EBF3: variants seen among roughly 807,000 people sequenced by gnomAD.
EBF3 encodes the protein transcription factor COE3.
EBF3 carries 18 observed loss-of-function variants against 77.1 expected under a neutral mutation model. The ratio of observed to expected loss-of-function variants is 0.23; its 90% confidence interval spans 0.16 to 0.35. EBF3 has a LOEUF of 0.35. Ranked by LOEUF, EBF3 falls within the 10% of genes least tolerant of loss-of-function variation. The pLI, the probability that EBF3 is intolerant of heterozygous loss-of-function variation, is 1.00. For missense variants in EBF3, 558 were observed against 860.0 expected (o/e 0.65, Z 4.39); for synonymous variants, 350 against 343.5 (o/e 1.02, Z -0.21).
chr10:129,955,895 C>G lies in EBF3; in HGVS notation c.554+1363G>C, dbSNP rs909107909. 1.8e-4 allele frequency among the ~76,000 whole-genome samples: 27 copies of G among 152,182 alleles called. 1 individual carries two copies. Among genetic ancestry groups the G allele is most frequent in the Non-Finnish European group, 1.3e-4 (9 of 68,032 alleles). ...ACTCCAATAGTTCAAACACTTCTAGCCAATCAAGAAAATAAAATAAATTCA... is the reference window on the plus strand; with the variant it reads ...ACTCCAATAGTTCAAACACTTCTAGGCAATCAAGAAAATAAAATAAATTCA... On this transcript the variant is annotated intron_variant, in intron 6 of 16. Transcript: ENST00000440978.
chr10:129,873,495 G>T lies in EBF3; in HGVS notation c.738C>A (p.Arg246=). The T allele has an allele frequency of 6.3e-7, 1 of 1,593,998 alleles. No individual in the cohort carries two copies. The highest frequency in any genetic ancestry group is 8.6e-7 in the Non-Finnish European group (1 of 1,167,822). Residue 246 remains arginine, a synonymous_variant, in exon 8 of 17, where the codon CGC becomes CGA. Transcript: ENST00000440978. Reference sequence around the variant, plus strand: ...GGGCCGTACCTTCTGACGGGTCTAGGCGGCGGGCCCGCCTCCCGTGTTTGG... The same window carrying T: ...GGGCCGTACCTTCTGACGGGTCTAGTCGGCGGGCCCGCCTCCCGTGTTTGG... ...NNSKHGRRAR[R]LDPSEGTAPS...
rs1418845269 is a variant in EBF3 at position 129,837,234 on chromosome 10, A to G, written c.*709T>C. The G allele has an allele frequency of 6.5e-6, 1 of 152,740 alleles. No individual in the cohort carries two copies. The highest frequency in any genetic ancestry group is 1.9e-4 in the East Asian group (1 of 5,206). 9.5% of individuals were successfully genotyped at this position (152,740 alleles called of 1,614,324 possible). On this transcript the variant is annotated 3_prime_UTR_variant, in exon 17 of 17. Coordinates refer to ENST00000440978, the MANE Select transcript of EBF3 (RefSeq NM_001375380.1). Reference sequence around the variant, plus strand: ...GCAGTGGGAGAATATTGGAACCAACAGACAGTAGCATTTTTTCTCTGTCAG... The same window carrying G: ...GCAGTGGGAGAATATTGGAACCAACGGACAGTAGCATTTTTTCTCTGTCAG...
rs1051347263 is a variant in EBF3 at position 129,861,497 on chromosome 10, T to C, written c.1039+5644A>G. 2.7e-5 allele frequency among the ~76,000 whole-genome samples: 4 copies of C among 150,058 alleles called. No individual in the cohort carries two copies. The highest frequency in any genetic ancestry group is 4.9e-5 in the African/African-American group (2 of 40,942). On this transcript the variant is annotated intron_variant, in intron 10 of 16. Transcript: ENST00000440978. The surrounding 1 kb of genome is among the most constrained non-coding windows in gnomAD (Gnocchi z 4.3). The stretch of plus-strand genomic sequence containing the variant: ...CACACAGACCCAAGCTATTCTCTGA[T>C]AGAACCAACCTGATAGAAAAGCAAA...
intron 6 of EBF3, among the ~76,000 whole-genome samples, chr10:129,942,144 T>C (rs1387179877): frequency 6.6e-6 from 1 of 152,208 alleles, no homozygotes; most frequent in African/African-American, 2.4e-5. Flanking sequence ...TGCAGGTTCT[T>C]AGCACTAACT....
intron 6 of EBF3, among the ~76,000 whole-genome samples, chr10:129,886,033 A>ATTTTT (rs59542647): frequency 1.6e-5 from 2 of 126,298 alleles, no homozygotes; most frequent in Non-Finnish European, 3.3e-5. Flanking sequence ...TTTGGTTTTA[A>ATTTTT]TTTTTTTTTT....
Position 129,885,136 on chromosome 10 carries a change from C to A in EBF3, c.555-7287G>T, listed in dbSNP as rs1853481894. Among the ~76,000 whole-genome samples, 1 of 152,186 alleles carries A rather than the reference C, an allele frequency of 6.6e-6. No individual in the cohort carries two copies. The highest frequency in any genetic ancestry group is 6.5e-5 in the Admixed American group (1 of 15,282). The stretch of plus-strand genomic sequence containing the variant: ...CTTTTCATCACAATTTCAGCAGCGG[C>A]TGTCAAGAGGCACTTATAGATACCA... On this transcript the variant is annotated intron_variant, in intron 6 of 16. Transcript: ENST00000440978. The surrounding 1 kb of genome is among the most constrained non-coding windows in gnomAD (Gnocchi z 4.0).
chr10:129,953,030 C>CT (rs1284858733), intron 6 of EBF3, among the ~76,000 whole-genome samples: 2 of 100,114 alleles, frequency 2.0e-5, no homozygotes, highest in African/African-American at 7.7e-5. Flanking sequence ...ACACTGTTGA[C>CT]TAAAAAAAAA....
intron 4 of EBF3, 116 bp downstream of exon 4, chr10:129,962,055 G>C: frequency 2.1e-6 from 2 of 939,892 alleles, no homozygotes; most frequent in Non-Finnish European, 3.3e-6. Flanking sequence ...AGCATGTCAA[G>C]GAAACTCAAT....
chr10:129,899,082 G>A (rs1308384343), intron 6 of EBF3, among the ~76,000 whole-genome samples: 2 of 144,924 alleles, frequency 1.4e-5, no homozygotes, highest in Non-Finnish European at 3.1e-5. Context: ...TCCTGCCTCC[G>A]CGCAGCCTTG....
intron 8 of EBF3, among the ~76,000 whole-genome samples, chr10:129,868,665 AG>A (rs1446988410): frequency 6.6e-6 from 1 of 152,200 alleles, no homozygotes; most frequent in African/African-American, 2.4e-5. Flanking sequence ...GAGGGGACCA[AG>A]AGGCCACAGC....
At chr10:129,902,099 C>T (rs927544832) in intron 6 of EBF3, among the ~76,000 whole-genome samples, 2 of 152,174 alleles carry the variant, frequency 1.3e-5, no homozygotes, top group Admixed American at 6.6e-5. Context: ...ACTTCTGCAA[C>T]TGGGGAAGTT....
At chr10:129,873,424 T>TA (rs1362199831) in intron 8 of EBF3, 28 bp downstream of exon 8, 11 of 1,482,104 alleles carry the variant, frequency 7.4e-6, no homozygotes, top group Middle Eastern at 1.8e-4. Flanking sequence ...GCATCGCAAA[T>TA]AAAAAAAGAC....
chr10:129,850,644 C>T (rs1206886878), intron 10 of EBF3, among the ~76,000 whole-genome samples: 3 of 152,196 alleles, frequency 2.0e-5, no homozygotes, highest in Non-Finnish European at 4.4e-5. Context: ...AGTGAGTTCA[C>T]GTTCAAGAAT....
chr10:129,905,041 T>C (rs1178409529), intron 6 of EBF3, among the ~76,000 whole-genome samples: 1 of 152,276 alleles, frequency 6.6e-6, no homozygotes, highest in Non-Finnish European at 1.5e-5. Context: ...CTTTCAGGGA[T>C]GAGTTCGTCC....
chr10:129,924,020 T>G (rs1342310215), intron 6 of EBF3, among the ~76,000 whole-genome samples: 3 of 152,182 alleles, frequency 2.0e-5, no homozygotes, highest in African/African-American at 7.2e-5. Context: ...GGCCGATGTA[T>G]GTCTTCTTGG....
intron 6 of EBF3, among the ~76,000 whole-genome samples, chr10:129,905,184 G>A (rs1471529608): frequency 6.6e-6 from 1 of 152,194 alleles, no homozygotes; most frequent in Non-Finnish European, 1.5e-5. Flanking sequence ...TCCTGACCTT[G>A]ATGGCACCAG....
At chr10:129,922,024 G>A (rs575533681) in intron 6 of EBF3, among the ~76,000 whole-genome samples, 4 of 152,308 alleles carry the variant, frequency 2.6e-5, no homozygotes, top group East Asian at 3.9e-4. Flanking sequence ...GTGGCCCCAC[G>A]TCCCAGAGTA....
chr10:129,958,437 A>C (rs1353838195), intron 5 of EBF3, among the ~76,000 whole-genome samples: 1 of 152,230 alleles, frequency 6.6e-6, no homozygotes, highest in South Asian at 2.1e-4. Flanking sequence ...CGGGCACGCT[A>C]TCTAACAACG....
chr10:129,904,030 C>T (rs1263448497), intron 6 of EBF3, among the ~76,000 whole-genome samples: 2 of 152,154 alleles, frequency 1.3e-5, no homozygotes, highest in Admixed American at 1.3e-4. Context: ...AAGACCATGA[C>T]CCAAGTTTCC....
Sources: gnomAD v4.1 joint callset for allele counts (sites outside exome capture counted in the v4.1 genomes callset) on GRCh38, gnomAD v4.1.1 for gene constraint, Gnocchi (gnomAD v3.1) non-coding constraint, MANE v1.5 for transcripts, NCBI Gene and HGNC (gene_info 2026-07-23, HGNC 2026-07-21) for gene names.